REV3L: variants seen among roughly 807,000 people sequenced by gnomAD.
The protein encoded by REV3L is REV3 like, DNA directed polymerase zeta catalytic subunit.
A neutral mutation model predicts 299.4 loss-of-function variants in REV3L; 69 were observed. The ratio of observed to expected loss-of-function variants is 0.23; its 90% CI spans 0.19 to 0.28. The LOEUF is 0.28. REV3L is among the 10% of genes least tolerant of loss of function. The pLI is 1.00. For missense variants in REV3L, 3,128 were observed against 3,693.8 expected (o/e 0.85, Z 3.97); for synonymous variants, 1,238 against 1,271.4 (o/e 0.97, Z 0.56).
chr6:111,311,309 T>A (rs1307273372), intron 28 of REV3L, 50 bp from the exon 29 acceptor site: 2 of 1,412,044 alleles, frequency 1.4e-6, no homozygotes, highest in South Asian at 2.8e-5. Context: ...TCCTAGTATG[T>A]TTCACCATTG....
intron 1 of REV3L, among the ~76,000 whole-genome samples, chr6:111,442,375 CTTT>C (rs1788372131): frequency 6.6e-6 from 1 of 152,116 alleles, no homozygotes; most frequent in African/African-American, 2.4e-5. Context: ...AAAACTTGAA[CTTT>C]TTATCATTTT....
At chr6:111,332,271 T>C (rs1177296848) in intron 23 of REV3L, among the ~76,000 whole-genome samples, 2 of 152,026 alleles carry the variant, frequency 1.3e-5, no homozygotes, top group Non-Finnish European at 1.5e-5. Context: ...CAGGGTTTCC[T>C]CATGTTAGCC....
chr6:111,380,460 C>T (rs1280546522), intron 10 of REV3L, among the ~76,000 whole-genome samples: 10 of 152,070 alleles, frequency 6.6e-5, no homozygotes, highest in Non-Finnish European at 1.3e-4. Flanking sequence ...GGGGTTTCAC[C>T]GTGTTAGCCA....
chr6:111,424,393 T>G (rs141005291), intron 1 of REV3L, among the ~76,000 whole-genome samples: 1 of 152,304 alleles, frequency 6.6e-6, no homozygotes, highest in South Asian at 2.1e-4. Flanking sequence ...TGTTCCTCCA[T>G]AAAAGCAACA....
At chr6:111,383,271 TTAGAG>T (rs1317996138) in intron 9 of REV3L, among the ~76,000 whole-genome samples, 2 of 152,186 alleles carry the variant, frequency 1.3e-5, no homozygotes, top group African/African-American at 2.4e-5. Flanking sequence ...GAAGTCCTAG[TTAGAG>T]TAATCAGACA....
At chr6:111,353,940 A>C (rs12199656) in intron 18 of REV3L, 16,361 of 152,244 alleles carry the variant, frequency 0.11, 1,159 homozygotes, top group Middle Eastern at 0.2. Flanking sequence ...TTGGGGCACA[A>C]GTATTAAGTG....
At chr6:111,470,674 C>G (rs1792089659) in intron 1 of REV3L, among the ~76,000 whole-genome samples, 1 of 152,134 alleles carries the variant, frequency 6.6e-6, no homozygotes, top group Non-Finnish European at 1.5e-5. Context: ...CTAATGACCT[C>G]ATTAAAAAAT....
At chr6:111,333,049 A>ACTCAGAAAGTGTCTAATTTT in intron 23 of REV3L, 74 bp downstream of exon 23, 1 of 1,549,066 alleles carries the variant, frequency 6.5e-7, no homozygotes, top group Non-Finnish European at 8.7e-7. Flanking sequence ...GCAAAGAGAC[A>ACTCAGAAAGTGTCTAATTTT]CTCAGAAAGT....
In REV3L at chr6:111,430,876, G is replaced by A. The variant is rs1786829008; in HGVS notation, c.140-14404C>T. On this transcript the variant is annotated intron_variant, in intron 1 of 31. Coordinates refer to ENST00000368802, the MANE Select transcript of REV3L (RefSeq NM_001372078.1). Reference sequence around the variant, plus strand: ...GAAAACCAGACGGAACAACAATGTTGGGACTTCTCCATCCTGTGGATCTCA... The same window carrying A: ...GAAAACCAGACGGAACAACAATGTTAGGACTTCTCCATCCTGTGGATCTCA... 9 of 1,604,362 alleles carry A rather than the reference G, an allele frequency of 5.6e-6. No homozygotes were observed. The South Asian group carries it at 9.9e-5, about 18-fold the overall frequency.
chr6:111,411,925 ATTT>A (rs1784291509), intron 2 of REV3L: 1 of 948,678 alleles, frequency 1.1e-6, no homozygotes, highest in African/African-American at 1.8e-5. Context: ...AAGAAAACAT[ATTT>A]TTGTTTGCTT....
intron 1 of REV3L, among the ~76,000 whole-genome samples, chr6:111,439,875 C>T (rs1047782900): frequency 7.2e-5 from 11 of 152,124 alleles, no homozygotes; most frequent in Non-Finnish European, 1.2e-4. Flanking sequence ...AATGCCTGAC[C>T]GCCAACCAGC....
At chr6:111,302,512 C>T (rs1004704716) in intron 31 of REV3L, among the ~76,000 whole-genome samples, 1 of 152,166 alleles carries the variant, frequency 6.6e-6, no homozygotes, top group Non-Finnish European at 1.5e-5. Flanking sequence ...TGCCCCAACC[C>T]GGACATCTAC....
rs1472625146 is a variant in REV3L at position 111,452,752 on chromosome 6, A to G, written c.139+29998T>C. 5.9e-5 allele frequency among the ~76,000 whole-genome samples: 9 copies of G among 152,216 alleles called. No individual in the cohort carries two copies. The East Asian group carries it at 1.7e-3, about 29-fold the overall frequency. On this transcript the variant is annotated intron_variant, in intron 1 of 31. Transcript: ENST00000368802. ...GGTTATATGACGGCATACGTTTGTC[A>G]TAACTCGTCTAATTGGTCCATTTTA...
chr6:111,373,568 G>A lies in REV3L; in HGVS notation c.4787C>T (p.Pro1596Leu), dbSNP rs763645159. ...TAAAGAGTCTACTTTGAGAAGTTTG[G>A]GGATTTTTTCTTTTTGTTTTGTACT... ...PRSTKQKEKI[P>L]KLLKVDSLNL... The change falls in exon 13 of 32, where the codon CCC becomes CTC. Residue 1596 changes from proline to leucine, a missense_variant. Physicochemically the swap from Pro to Leu is moderately conservative, Grantham distance 98. Around this residue, in one of 9 missense-constraint regions of REV3L, gnomAD observed 2,409 missense variants for 2,611.8 expected, o/e 0.92. Transcript: ENST00000368802. The A allele has an allele frequency of 5.0e-5, 81 of 1,613,804 alleles. No individual in the cohort carries two copies. The highest frequency in any genetic ancestry group is 6.4e-5 in the Non-Finnish European group (75 of 1,179,962).
intron 1 of REV3L, among the ~76,000 whole-genome samples, chr6:111,432,661 A>G (rs764982687): frequency 1.3e-5 from 2 of 152,210 alleles, no homozygotes; most frequent in Non-Finnish European, 2.9e-5. Context: ...GAAAATCAAG[A>G]AAGAACACTG....
intron 3 of REV3L, among the ~76,000 whole-genome samples, chr6:111,409,727 G>A (rs1197543796): frequency 6.6e-6 from 1 of 152,046 alleles, no homozygotes; most frequent in African/African-American, 2.4e-5. Flanking sequence ...GAAGGGTCTG[G>A]GTGAAGTTGA....
chr6:111,300,948 T>C (rs1005965174), intron 31 of REV3L, among the ~76,000 whole-genome samples: 1 of 152,232 alleles, frequency 6.6e-6, no homozygotes, highest in Non-Finnish European at 1.5e-5. Context: ...AAAATCTGAC[T>C]GCCTGCAGGG....
Position 111,368,030 on chromosome 6 carries a change from TATA to T in REV3L, c.5760-5_5760-3del. On this transcript the variant is annotated splice_region_variant and splice_polypyrimidine_tract_variant and intron_variant, in intron 13 of 31. Transcript: ENST00000368802. ...ATGAGGAGCCGTCCACCAATCTCCC[TATA>T]ATAACATATTTTAGAACAACTGTTT... 6.4e-7 allele frequency: 1 copy of T among 1,573,238 alleles called. No homozygotes were observed. The highest frequency in any genetic ancestry group is 1.2e-5 in the South Asian group (1 of 83,660).
At chr6:111,390,215 T>C (rs1781776747) in intron 5 of REV3L, 35 bp from the exon 6 acceptor site, 2 of 1,303,566 alleles carry the variant, frequency 1.5e-6, no homozygotes, top group Non-Finnish European at 2.2e-6. Flanking sequence ...ATAATAATTA[T>C]GTGAGAGCAA....
Sources: gnomAD v4.1 joint callset for allele counts (sites outside exome capture counted in the v4.1 genomes callset) on GRCh38, gnomAD v4.1.1 for gene constraint, gnomAD v4.1.1 regional missense constraint, MANE v1.5 for transcripts, NCBI Gene and HGNC (gene_info 2026-07-23, HGNC 2026-07-21) for gene names.